The following NEDD9 variants were observed in gnomAD, a reference collection of about 807,000 sequenced individuals.
NEDD9 encodes neural precursor cell expressed, developmentally down-regulated 9.
In NEDD9, 26 loss-of-function variants were observed where a neutral mutation model predicts 76.6. The observed-to-expected ratio is 0.34, with a 90% CI of 0.25 to 0.47. NEDD9 has a LOEUF of 0.47. NEDD9 is among the 20% of genes least tolerant of loss of function. NEDD9 has a pLI of 1.00. For synonymous variants in NEDD9, 392 were observed against 414.2 expected, an observed-to-expected ratio of 0.95 and a Z score of 0.65; for missense variants, 937 against 1,058.5, an observed-to-expected ratio of 0.89 and a Z score of 1.59.
At chr6:11,258,328 C>T (rs1398459191) in intron 3 of NEDD9, among the ~76,000 whole-genome samples, 1 of 152,210 alleles carries the variant, frequency 6.6e-6, no homozygotes, top group South Asian at 2.1e-4. Flanking sequence ...AGCTGAGCCC[C>T]AGCACCCTGG....
chr6:11,248,870 T>A (rs1464252845), intron 3 of NEDD9: 1 of 339,570 alleles, frequency 2.9e-6, no homozygotes, highest in Admixed American at 3.8e-5. Flanking sequence ...GAGGACTTGA[T>A]GAAGTGTCAG....
At chr6:11,327,935 C>CT (rs1696166154) in intron 2 of NEDD9, among the ~76,000 whole-genome samples, 1 of 152,222 alleles carries the variant, frequency 6.6e-6, no homozygotes, top group African/African-American at 2.4e-5. Context: ...ACAGCTATCT[C>CT]TTTGCTTCTC....
chr6:11,251,926 C>T (rs972241718), intron 3 of NEDD9, among the ~76,000 whole-genome samples: 2 of 152,110 alleles, frequency 1.3e-5, no homozygotes, highest in Non-Finnish European at 2.9e-5. Context: ...TGGCATGACT[C>T]TATGTATGTG....
intron 2 of NEDD9, chr6:11,306,174 G>C: frequency 1.3e-6 from 1 of 771,518 alleles, no homozygotes; most frequent in Non-Finnish European, 2.2e-6. Flanking sequence ...AGGAGATAGA[G>C]ATGGAAAGGT....
At chr6:11,375,581 G>T (rs1056858149) in intron 1 of NEDD9, among the ~76,000 whole-genome samples, 10 of 152,170 alleles carry the variant, frequency 6.6e-5, no homozygotes, top group African/African-American at 2.2e-4. Context: ...TCCCTCATGA[G>T]TGGCTTAGTG....
intron 2 of NEDD9, chr6:11,201,061 T>A (rs932118033): frequency 6.2e-7 from 1 of 1,614,090 alleles, no homozygotes; most frequent in Non-Finnish European, 8.5e-7. Flanking sequence ...AGACAAAGCA[T>A]TTTCTGTCAA....
intron 1 of NEDD9, among the ~76,000 whole-genome samples, chr6:11,359,374 CTGAG>C (rs1347178175): frequency 6.6e-6 from 1 of 152,230 alleles, no homozygotes; most frequent in Non-Finnish European, 1.5e-5. Flanking sequence ...TTGGATTTCT[CTGAG>C]TAAGAGGATA....
At chr6:11,295,403 G>A (rs1486658779) in intron 3 of NEDD9, among the ~76,000 whole-genome samples, 2 of 152,190 alleles carry the variant, frequency 1.3e-5, no homozygotes, top group East Asian at 3.8e-4. Flanking sequence ...ATAATGGTAA[G>A]TCCTTCCACT....
intron 2 of NEDD9, among the ~76,000 whole-genome samples, chr6:11,310,724 C>G (rs555204374): frequency 6.6e-6 from 1 of 152,258 alleles, no homozygotes; most frequent in Non-Finnish European, 1.5e-5. Flanking sequence ...TCAAACTTTC[C>G]CCATGTTTTT....
chr6:11,359,832 A>G (rs1762645938), intron 1 of NEDD9, among the ~76,000 whole-genome samples: 1 of 152,234 alleles, frequency 6.6e-6, no homozygotes, highest in South Asian at 2.1e-4. Flanking sequence ...GTGTTGGTGT[A>G]CCATTTTGTT....
At chr6:11,254,187 C>T (rs901461503) in intron 3 of NEDD9, among the ~76,000 whole-genome samples, 1 of 152,082 alleles carries the variant, frequency 6.6e-6, no homozygotes, top group Non-Finnish European at 1.5e-5. Context: ...GTGGCATGAT[C>T]TCAGCTCACT....
upstream of NEDD9, among the ~76,000 whole-genome samples, chr6:11,236,237 G>A (rs923245707): frequency 5.3e-5 from 8 of 152,080 alleles, no homozygotes; most frequent in South Asian, 2.1e-4. This position sits in a 1 kb window ranked among gnomAD's most constrained non-coding sequence, Gnocchi z 5.5. Flanking sequence ...CTGGGCCTCC[G>A]GTTCCACTTC....
intron 2 of NEDD9, among the ~76,000 whole-genome samples, chr6:11,327,829 T>G (rs994524744): frequency 3.9e-5 from 6 of 152,398 alleles, no homozygotes; most frequent in African/African-American, 1.4e-4. Flanking sequence ...AATTTCCTCC[T>G]GGCTTAAGTC....
chr6:11,287,636 T>C (rs1056941862), intron 3 of NEDD9, among the ~76,000 whole-genome samples: 1 of 152,134 alleles, frequency 6.6e-6, no homozygotes, highest in African/African-American at 2.4e-5. Flanking sequence ...TCATCCATTC[T>C]CCTCTACGTA....
chr6:11,362,513 C>T (rs1313984783), intron 1 of NEDD9, among the ~76,000 whole-genome samples: 1 of 152,214 alleles, frequency 6.6e-6, no homozygotes, highest in Admixed American at 6.5e-5. Context: ...TTCTTATATT[C>T]TATGAGCTTC....
At chr6:11,325,847 T>C (rs963570480) in intron 2 of NEDD9, among the ~76,000 whole-genome samples, 6 of 152,172 alleles carry the variant, frequency 3.9e-5, no homozygotes, top group African/African-American at 1.4e-4. Flanking sequence ...CCAATTTTCA[T>C]TTTAACAAGT....
At chr6:11,259,896 T>C (rs1479912837) in intron 3 of NEDD9, among the ~76,000 whole-genome samples, 1 of 149,632 alleles carries the variant, frequency 6.7e-6, no homozygotes, top group Non-Finnish European at 1.5e-5. Flanking sequence ...GTTGTCTGCA[T>C]GGTATGGTAC....
At chr6:11,223,496 AC>A (rs1283707330) in intron 1 of NEDD9, among the ~76,000 whole-genome samples, 1 of 150,412 alleles carries the variant, frequency 6.6e-6, no homozygotes, top group Admixed American at 6.6e-5. Flanking sequence ...GGAAAAAAAA[AC>A]CAACAAAACA....
chr6:11,207,234 G>A (rs1758642817), intron 2 of NEDD9, among the ~76,000 whole-genome samples: 1 of 152,164 alleles, frequency 6.6e-6, no homozygotes, highest in African/African-American at 2.4e-5. Context: ...CTAATATATA[G>A]CACTTAGTTG....
Sources: gnomAD v4.1 joint callset for allele counts (sites outside exome capture counted in the v4.1 genomes callset) on GRCh38, gnomAD v4.1.1 for gene constraint, Gnocchi (gnomAD v3.1) non-coding constraint, MANE v1.5 for transcripts, NCBI Gene and HGNC (gene_info 2026-07-23, HGNC 2026-07-21) for gene names.